The following GREB1 variants were observed in gnomAD, a reference collection of about 807,000 sequenced individuals.
GREB1 encodes growth regulating estrogen receptor binding 1, also known as protein GREB1.
GREB1 carries 106 observed loss-of-function variants against 200.7 expected under a neutral mutation model. The ratio of observed to expected loss-of-function variants is 0.53; its 90% CI spans 0.45 to 0.62. The LOEUF is 0.62. Ranked by LOEUF, GREB1 falls within the 20% of genes least tolerant of loss-of-function variation. GREB1 has a pLI of 0.00. For missense variants in GREB1, 2,243 were observed against 2,556.8 expected (o/e 0.88, Z 2.65); for synonymous variants, 1,132 against 1,092.4 (o/e 1.04, Z -0.72).
At chr2:11,620,527 G>A (rs1392267245) in intron 22 of GREB1, among the ~76,000 whole-genome samples, 1 of 152,114 alleles carries the variant, frequency 6.6e-6, no homozygotes, top group Non-Finnish European at 1.5e-5. Context: ...GAATTTTGCT[G>A]TCTTGTACAG....
At chr2:11,615,397 C>A in intron 20 of GREB1, 107 bp downstream of exon 20, 1 of 972,866 alleles carries the variant, frequency 1.0e-6, no homozygotes, top group Non-Finnish European at 1.6e-6. Context: ...TCCAGTTCAG[C>A]AGGGTCCTGG....
At chr2:11,608,253 A>G (rs756592881) in intron 17 of GREB1, among the ~76,000 whole-genome samples, 3 of 152,218 alleles carry the variant, frequency 2.0e-5, no homozygotes, top group South Asian at 2.1e-4. Flanking sequence ...TGTGATTTTT[A>G]TATCTTCACT....
intron 17 of GREB1, among the ~76,000 whole-genome samples, chr2:11,602,860 T>C (rs1681908164): frequency 6.6e-6 from 1 of 152,114 alleles, no homozygotes; most frequent in African/African-American, 2.4e-5. Flanking sequence ...TAAAAGAAAC[T>C]GGAGTGATGA....
At chr2:11,497,493 G>A (rs1018035943) in intron 1 of GREB1, among the ~76,000 whole-genome samples, 1 of 152,172 alleles carries the variant, frequency 6.6e-6, no homozygotes, top group African/African-American at 2.4e-5. Context: ...ATATCCAAGA[G>A]TGCAATTGCT....
intron 1 of GREB1, among the ~76,000 whole-genome samples, chr2:11,554,913 C>G (rs6713355): frequency 0.08 from 12,197 of 152,164 alleles, 1,495 homozygotes; most frequent in African/African-American, 0.27. Context: ...TGAAGTCACC[C>G]CCCATTGCTG....
intron 1 of GREB1, among the ~76,000 whole-genome samples, chr2:11,519,471 T>TTTC (rs1673631579): frequency 6.7e-6 from 1 of 149,090 alleles, no homozygotes; most frequent in Non-Finnish European, 1.5e-5. Context: ...TTTTTTTTTT[T>TTTC]TGAGGCAGAG....
intron 1 of GREB1, among the ~76,000 whole-genome samples, chr2:11,486,682 A>G (rs1462636606): frequency 6.6e-6 from 1 of 152,044 alleles, no homozygotes; most frequent in African/African-American, 2.4e-5. Flanking sequence ...AGCCTGGCTA[A>G]TGTGGTGAAA....
intron 5 of GREB1, among the ~76,000 whole-genome samples, chr2:11,576,792 T>G (rs910970082): frequency 6.6e-6 from 1 of 151,860 alleles, no homozygotes; most frequent in Admixed American, 6.6e-5. Flanking sequence ...TCCCAGCACT[T>G]AGGGAGGCTG....
intron 1 of GREB1, among the ~76,000 whole-genome samples, chr2:11,487,162 C>T (rs1045079594): frequency 6.6e-6 from 1 of 152,150 alleles, no homozygotes; most frequent in East Asian, 1.9e-4. Context: ...GATGCTTGAG[C>T]TTTGCCTATC....
intron 1 of GREB1, among the ~76,000 whole-genome samples, chr2:11,552,877 G>A (rs1676036142): frequency 6.6e-6 from 1 of 151,988 alleles, no homozygotes; most frequent in Non-Finnish European, 1.5e-5. Context: ...GGGCATGGTG[G>A]CGCACGCCTG....
chr2:11,599,714 G>T (rs1681610122), intron 15 of GREB1, among the ~76,000 whole-genome samples: 1 of 151,998 alleles, frequency 6.6e-6, no homozygotes, highest in South Asian at 2.1e-4. Flanking sequence ...TAGAGACAGG[G>T]TTTCACCGTG....
At chr2:11,621,922 T>C (rs983692478) in intron 23 of GREB1, among the ~76,000 whole-genome samples, 1 of 152,268 alleles carries the variant, frequency 6.6e-6, no homozygotes, top group Non-Finnish European at 1.5e-5. Context: ...CTGCTGAATT[T>C]GTCTCCTTGC....
At chr2:11,639,806 C>A (rs114125097) in intron 32 of GREB1, among the ~76,000 whole-genome samples, 2,018 of 152,160 alleles carry the variant, frequency 0.013, 38 homozygotes, top group African/African-American at 0.046. Context: ...CAGAGAGGGA[C>A]AGTGTGGAGG....
intron 15 of GREB1, among the ~76,000 whole-genome samples, chr2:11,599,762 C>T (rs529896469): frequency 2.6e-5 from 4 of 152,022 alleles, no homozygotes; most frequent in African/African-American, 4.8e-5. Context: ...CCTCGTGATC[C>T]GCCCGCCTCG....
At chr2:11,544,019 T>C (rs1358239256) in intron 1 of GREB1, among the ~76,000 whole-genome samples, 1 of 152,142 alleles carries the variant, frequency 6.6e-6, no homozygotes, top group Non-Finnish European at 1.5e-5. Flanking sequence ...AAGTGTTATC[T>C]TAGGAAGTGA....
At chr2:11,628,137 G>A (rs1354501859) in intron 25 of GREB1, among the ~76,000 whole-genome samples, 2 of 152,270 alleles carry the variant, frequency 1.3e-5, no homozygotes, top group Admixed American at 6.5e-5. Flanking sequence ...GGAACTCCAA[G>A]TGGAGCCCAG....
chr2:11,539,057 T>G (rs1247392277), intron 1 of GREB1, among the ~76,000 whole-genome samples: 1 of 119,164 alleles, frequency 8.4e-6, no homozygotes, highest in Non-Finnish European at 1.9e-5. Context: ...TCTTCTCTTC[T>G]CTTCTCTTCT....
chr2:11,620,017 G>A (rs137916860), intron 22 of GREB1, among the ~76,000 whole-genome samples: 121 of 152,154 alleles, frequency 8.0e-4, no homozygotes, highest in African/African-American at 2.5e-3. Flanking sequence ...TCGCTCTGTC[G>A]CCAGGCTTGA....
chr2:11,596,469 G>T (rs1681223395), intron 13 of GREB1, among the ~76,000 whole-genome samples: 1 of 3,164 alleles, frequency 3.2e-4, no homozygotes, highest in Non-Finnish European at 1.3e-3. Context: ...GCACAGGTAT[G>T]CACAGTGAGG....
Sources: allele counts gnomAD v4.1 joint callset (sites outside exome capture counted in the v4.1 genomes callset), GRCh38; gene constraint gnomAD v4.1.1; transcripts MANE v1.5; gene names NCBI Gene and HGNC (gene_info 2026-07-23, HGNC 2026-07-21).